The following MTA3 variants were observed in gnomAD, a reference collection of about 807,000 sequenced individuals.
MTA3 encodes the protein metastasis-associated protein MTA3.
Under a neutral mutation model 83.5 loss-of-function variants are expected in MTA3, and 34 were observed. The ratio of observed to expected loss-of-function variants is 0.41; its 90% CI spans 0.31 to 0.54. MTA3 has a LOEUF of 0.54. Ranked by LOEUF, MTA3 falls within the 20% of genes least tolerant of loss-of-function variation. The probability of loss-of-function intolerance (pLI) is 0.33; values close to 1 mark genes in which losing one functional copy is unlikely to be tolerated. For synonymous variants in MTA3, 303 were observed against 252.7 expected (o/e 1.20, Z -1.89); for missense variants, 761 against 726.4 (o/e 1.05, Z -0.55).
At chr2:42,532,456 G>C (rs1676024185) in intron 2 of MTA3, among the ~76,000 whole-genome samples, 1 of 152,182 alleles carries the variant, frequency 6.6e-6, no homozygotes, top group African/African-American at 2.4e-5. Context: ...GTTGCAGTGA[G>C]CCAAGACTGC....
At chr2:42,558,092 C>G (rs1387924815) in intron 2 of MTA3, among the ~76,000 whole-genome samples, 1 of 152,134 alleles carries the variant, frequency 6.6e-6, no homozygotes, top group Non-Finnish European at 1.5e-5. Context: ...GGACCACTCC[C>G]TTTTTCACTT....
chr2:42,628,477 G>A (rs1267727933), intron 4 of MTA3, among the ~76,000 whole-genome samples: 1 of 151,800 alleles, frequency 6.6e-6, no homozygotes, highest in Non-Finnish European at 1.5e-5. Context: ...CAGGTAATAC[G>A]CCTGCCTCAG....
intron 9 of MTA3, among the ~76,000 whole-genome samples, chr2:42,683,330 C>G (rs1241700874): frequency 2.0e-5 from 3 of 152,146 alleles, no homozygotes; most frequent in Admixed American, 1.3e-4. Context: ...ATGAAATGAC[C>G]TCTGCTAAGC....
intron 3 of MTA3, among the ~76,000 whole-genome samples, chr2:42,601,105 C>T (rs746739639): frequency 2.0e-5 from 3 of 152,056 alleles, no homozygotes; most frequent in Non-Finnish European, 4.4e-5. Flanking sequence ...CAGGGTTTCA[C>T]CATGTTGTCC....
intron 5 of MTA3, among the ~76,000 whole-genome samples, chr2:42,641,661 C>T (rs959889635): frequency 6.6e-6 from 1 of 151,834 alleles, no homozygotes; most frequent in Non-Finnish European, 1.5e-5. Flanking sequence ...GCCTGACCAA[C>T]GTGGTGAAAG....
intron 4 of MTA3, among the ~76,000 whole-genome samples, chr2:42,631,886 C>G (rs952244806): frequency 1.3e-5 from 2 of 151,894 alleles, no homozygotes; most frequent in Admixed American, 6.6e-5. Context: ...GATGGGGTAG[C>G]ACCATGTTGG....
At chr2:42,550,569 C>A (rs1331318135) in intron 2 of MTA3, among the ~76,000 whole-genome samples, 1 of 152,116 alleles carries the variant, frequency 6.6e-6, no homozygotes, top group Non-Finnish European at 1.5e-5. Context: ...AAGCTCACGT[C>A]CTGCTCAAGG....
intron 8 of MTA3, among the ~76,000 whole-genome samples, chr2:42,664,000 T>C (rs184866682): frequency 1.1e-3 from 162 of 152,294 alleles, no homozygotes; most frequent in Non-Finnish European, 1.6e-3. Context: ...CATGTTTGTA[T>C]AGCTGGTTTC....
intron 3 of MTA3, among the ~76,000 whole-genome samples, chr2:42,594,848 T>A (rs1268038581): frequency 2.8e-5 from 4 of 144,238 alleles, no homozygotes; most frequent in African/African-American, 1.0e-4. Context: ...CGCCTCAGCC[T>A]CCCAAGTAGC....
intron 2 of MTA3, among the ~76,000 whole-genome samples, chr2:42,546,094 T>C (rs1057491860): frequency 2.0e-5 from 3 of 152,076 alleles, no homozygotes; most frequent in African/African-American, 7.2e-5. Context: ...GATAACCTGG[T>C]AGGGAAGGGA....
intron 8 of MTA3, among the ~76,000 whole-genome samples, chr2:42,669,771 A>AT (rs1170205275): frequency 3.9e-5 from 6 of 152,192 alleles, no homozygotes; most frequent in African/African-American, 7.2e-5. Context: ...CTTTAATGAG[A>AT]TTTTTTCTTT....
chr2:42,513,480 C>G (rs1387531913), intron 2 of MTA3, among the ~76,000 whole-genome samples: 2 of 152,152 alleles, frequency 1.3e-5, no homozygotes, highest in African/African-American at 2.4e-5. Context: ...GGGATAGACT[C>G]CAAGTGAAGA....
chr2:42,728,091 C>T (rs553302867), intron 16 of MTA3, among the ~76,000 whole-genome samples: 1 of 152,224 alleles, frequency 6.6e-6, no homozygotes, highest in Admixed American at 6.5e-5. Flanking sequence ...ATCATACCTC[C>T]TACCACTATC....
chr2:42,502,076 G>C (rs974674629), intron 2 of MTA3, among the ~76,000 whole-genome samples: 2 of 151,730 alleles, frequency 1.3e-5, no homozygotes, highest in Non-Finnish European at 2.9e-5. Flanking sequence ...AGAGGTTACA[G>C]GCAAAGTCAT....
chr2:42,732,660 C>G (rs1202749386), intron 16 of MTA3, among the ~76,000 whole-genome samples: 1 of 152,122 alleles, frequency 6.6e-6, no homozygotes, highest in African/African-American at 2.4e-5. Flanking sequence ...ATGGGTTTTT[C>G]TTTTCTATCG....
intron 3 of MTA3, among the ~76,000 whole-genome samples, chr2:42,587,914 C>T (rs1365766393): frequency 6.6e-6 from 1 of 152,038 alleles, no homozygotes; most frequent in Admixed American, 6.6e-5. Context: ...GTTTTTTATG[C>T]TTGCAAATTA....
At chr2:42,699,404 C>T (rs551926516) in intron 11 of MTA3, among the ~76,000 whole-genome samples, 3 of 152,162 alleles carry the variant, frequency 2.0e-5, no homozygotes, top group Admixed American at 6.5e-5. Flanking sequence ...CCCTATGTTA[C>T]CCAGGAGTTC....
At chr2:42,592,686 T>G (rs1020902805) in intron 3 of MTA3, among the ~76,000 whole-genome samples, 6 of 152,232 alleles carry the variant, frequency 3.9e-5, no homozygotes, top group African/African-American at 1.2e-4. Flanking sequence ...TCAATATCAC[T>G]GTCTTCTCAG....
At chr2:42,741,020 A>G (rs1415898697) in intron 16 of MTA3, among the ~76,000 whole-genome samples, 1 of 152,258 alleles carries the variant, frequency 6.6e-6, no homozygotes, top group Admixed American at 6.5e-5. Flanking sequence ...TCTGTTGTTT[A>G]GCGTAGCTGC....
Sources: gnomAD v4.1 joint callset for allele counts (sites outside exome capture counted in the v4.1 genomes callset) on GRCh38, gnomAD v4.1.1 for gene constraint, MANE v1.5 for transcripts, NCBI Gene and HGNC (gene_info 2026-07-23, HGNC 2026-07-21) for gene names.